Variants in LRFN5 observed in about 807,000 individuals in gnomAD.
The protein encoded by LRFN5 is leucine-rich repeat and fibronectin type-III domain-containing protein 5.
Under a neutral mutation model 45.6 loss-of-function variants are expected in LRFN5, and 24 were observed. The observed-to-expected ratio is 0.53, with a 90% confidence interval of 0.38 to 0.74. The LOEUF is 0.74. Among genes scored for constraint, LRFN5 ranks in the 30% least tolerant of loss-of-function variants. The pLI, the probability that LRFN5 is intolerant of heterozygous loss-of-function variation, is 0.00. For missense variants in LRFN5, 776 were observed against 861.5 expected, an observed-to-expected ratio of 0.90 and a Z score of 1.24; for synonymous variants, 340 against 313.8, an observed-to-expected ratio of 1.08 and a Z score of -0.88.
At chr14:41,680,528 T>G (rs1881839146) in intron 1 of LRFN5, among the ~76,000 whole-genome samples, 1 of 152,150 alleles carries the variant, frequency 6.6e-6, no homozygotes, top group African/African-American at 2.4e-5. Context: ...GGTCCCTCTA[T>G]GAGTTTTTAA....
At chr14:41,674,135 C>T (rs1780715024) in intron 1 of LRFN5, among the ~76,000 whole-genome samples, 1 of 137,074 alleles carries the variant, frequency 7.3e-6, no homozygotes, top group Non-Finnish European at 1.6e-5. Flanking sequence ...CTCCTCACTT[C>T]CCAGTAGGGG....
intron 2 of LRFN5, among the ~76,000 whole-genome samples, chr14:41,797,018 T>A (rs1404108945): frequency 6.6e-6 from 1 of 151,902 alleles, no homozygotes; most frequent in Non-Finnish European, 1.5e-5. Flanking sequence ...TCTCGTGTAC[T>A]TTCTGCTCAC....
In LRFN5 at chr14:41,644,416, C is replaced by T. The variant is rs147674045; in HGVS notation, c.-197+35854C>T. Reference sequence around the variant, plus strand: ...TCACTAACTGTTTAAATCTATCATGCATTTAGGAATATAATTGCAAGCTGC... The same window carrying T: ...TCACTAACTGTTTAAATCTATCATGTATTTAGGAATATAATTGCAAGCTGC... On this transcript the variant is annotated intron_variant, in intron 1 of 5. Coordinates refer to ENST00000298119, the MANE Select transcript of LRFN5 (RefSeq NM_152447.5). 7.2e-3 allele frequency among the ~76,000 whole-genome samples: 1,100 copies of T among 152,280 alleles called. 8 individuals are homozygous for T. Among genetic ancestry groups the T allele is most frequent in the South Asian group, 0.014 (67 of 4,834 alleles).
intron 2 of LRFN5, among the ~76,000 whole-genome samples, chr14:41,776,269 T>G (rs988226748): frequency 6.6e-6 from 1 of 152,186 alleles, no homozygotes; most frequent in Non-Finnish European, 1.5e-5. Flanking sequence ...AGTGTATTCA[T>G]GTCAAGGGAT....
chr14:41,756,994 A>G (rs1283965656), intron 1 of LRFN5, among the ~76,000 whole-genome samples: 1 of 152,126 alleles, frequency 6.6e-6, no homozygotes, highest in Non-Finnish European at 1.5e-5. Flanking sequence ...CCCCAGCTGC[A>G]AGTCTGTTGG....
At chr14:41,864,526 C>A (rs941918610) in intron 2 of LRFN5, among the ~76,000 whole-genome samples, 1 of 152,084 alleles carries the variant, frequency 6.6e-6, no homozygotes. Flanking sequence ...CCTTTTATAG[C>A]GACATGAGTT....
chr14:41,651,719 C>G (rs1024954495), intron 1 of LRFN5, among the ~76,000 whole-genome samples: 4 of 152,162 alleles, frequency 2.6e-5, no homozygotes, highest in African/African-American at 9.7e-5. Context: ...GCAAAGCATA[C>G]TATATTGGAT....
intron 1 of LRFN5, among the ~76,000 whole-genome samples, chr14:41,666,041 C>T (rs1880882825): frequency 6.6e-6 from 1 of 151,802 alleles, no homozygotes; most frequent in Non-Finnish European, 1.5e-5. Context: ...TTTCAGAGAC[C>T]ATTTCTCCTT....
intron 1 of LRFN5, among the ~76,000 whole-genome samples, chr14:41,709,820 A>G (rs561417668): frequency 1.3e-5 from 2 of 152,194 alleles, no homozygotes. Context: ...TCTCAATTTT[A>G]CCTAAATAGA....
intron 2 of LRFN5, among the ~76,000 whole-genome samples, chr14:41,819,685 T>A (rs7141286): frequency 0.13 from 20,277 of 151,882 alleles, 1,439 homozygotes; most frequent in East Asian, 0.22. Context: ...AGAGGTGAGA[T>A]TCCACACACT....
chr14:41,670,254 C>A (rs1881122231), intron 1 of LRFN5, among the ~76,000 whole-genome samples: 1 of 59,920 alleles, frequency 1.7e-5, no homozygotes, highest in Non-Finnish European at 3.3e-5. Context: ...CACATACACA[C>A]AGATATATAT....
chr14:41,672,670 T>C (rs1881290548), intron 1 of LRFN5, among the ~76,000 whole-genome samples: 1 of 152,312 alleles, frequency 6.6e-6, no homozygotes, highest in Admixed American at 6.5e-5. Context: ...AAAATGTCTC[T>C]CTGTTTTTAC....
chr14:41,676,050 T>C (rs1309594246), intron 1 of LRFN5, among the ~76,000 whole-genome samples: 1 of 152,188 alleles, frequency 6.6e-6, no homozygotes, highest in African/African-American at 2.4e-5. Context: ...TTTCCCTACA[T>C]CCAGTCTGGG....
chr14:41,678,618 C>G (rs1009468170), intron 1 of LRFN5, among the ~76,000 whole-genome samples: 1 of 152,014 alleles, frequency 6.6e-6, no homozygotes. Flanking sequence ...TTAACAATTC[C>G]CAGTATATAT....
chr14:41,764,337 C>T (rs1885789865), intron 1 of LRFN5, among the ~76,000 whole-genome samples: 1 of 152,150 alleles, frequency 6.6e-6, no homozygotes, highest in Middle Eastern at 3.4e-3. Context: ...TATGTATTTA[C>T]CTCATTTGAT....
chr14:41,684,669 G>T (rs1882045372), intron 1 of LRFN5, among the ~76,000 whole-genome samples: 1 of 152,032 alleles, frequency 6.6e-6, no homozygotes, highest in African/African-American at 2.4e-5. Context: ...AAATAAAAAT[G>T]GGTTAAAAAC....
intron 2 of LRFN5, among the ~76,000 whole-genome samples, chr14:41,837,190 T>G (rs900392102): frequency 1.6e-5 from 1 of 61,962 alleles, no homozygotes; most frequent in Non-Finnish European, 2.9e-5. Flanking sequence ...TCTCACACAC[T>G]CCACAAAAAA....
rs147556600 is a variant in LRFN5, at chr14:41,778,390, A to C, written c.-21+11361A>C. 2.7e-3 allele frequency among the ~76,000 whole-genome samples: 415 copies of C among 151,760 alleles called. 1 individual carries two copies. The highest frequency in any genetic ancestry group is 9.7e-3 in the African/African-American group (404 of 41,508). On this transcript the variant is annotated intron_variant, in intron 2 of 5. Coordinates refer to ENST00000298119, the MANE Select transcript of LRFN5 (RefSeq NM_152447.5). ...ATCTTCTTCTGGGCTATAACTTCAA[A>C]ATTTTAAAGTACTTTGGGGACTATT...
chr14:41,891,559 G>A lies in LRFN5; in HGVS notation c.1695G>A (p.Lys565=). The part of the protein sequence containing the change: ...CNNNGQHKVT[K]VSNVYSQTNG... ...ATAATGGGCAACACAAGGTCACCAA[G>A]GTTAGCAATGTTTATTCCCAAACTA... is the stretch of plus-strand genomic sequence containing the variant. The change falls in exon 4 of 6, where the codon AAG becomes AAA. Residue 565 remains lysine (K), a synonymous_variant. Transcript: ENST00000298119. 2 of 1,614,194 alleles carry A rather than the reference G, an allele frequency of 1.2e-6. No individual in the cohort carries two copies. Among genetic ancestry groups the A allele is most frequent in the South Asian group, 2.2e-5 (2 of 91,082 alleles).
Sources: gnomAD v4.1 joint callset for allele counts (sites outside exome capture counted in the v4.1 genomes callset) on GRCh38, gnomAD v4.1.1 for gene constraint, MANE v1.5 for transcripts, NCBI Gene and HGNC (gene_info 2026-07-23, HGNC 2026-07-21) for gene names.